The following RBPJ variants were observed in gnomAD, a reference collection of about 807,000 sequenced individuals.
RBPJ encodes recombining binding protein suppressor of hairless.
RBPJ carries 9 observed loss-of-function variants against 67.8 expected under a neutral mutation model. The ratio of observed to expected loss-of-function variants is 0.13; its 90% confidence interval spans 0.08 to 0.23. The LOEUF (loss-of-function observed/expected upper bound fraction) is 0.23, where lower values mean the gene tolerates loss of function less well. Among genes scored for constraint, RBPJ ranks in the 10% least tolerant of loss-of-function variants. The pLI, the probability that RBPJ is intolerant of heterozygous loss-of-function variation, is 1.00. For synonymous variants in RBPJ, 198 were observed against 203.3 expected, an observed-to-expected ratio of 0.97 and a Z score of 0.22; for missense variants, 305 against 595.6, an observed-to-expected ratio of 0.51 and a Z score of 5.08.
At chr4:26,243,415 A>T (rs1195934939) in intron 1 of RBPJ, among the ~76,000 whole-genome samples, 1 of 152,216 alleles carries the variant, frequency 6.6e-6, no homozygotes, top group Non-Finnish European at 1.5e-5. Flanking sequence ...AGAAAAGTAG[A>T]ATTGTGGATT....
At chr4:26,189,874 C>T (rs1397179736) in intron 1 of RBPJ, among the ~76,000 whole-genome samples, 1 of 152,134 alleles carries the variant, frequency 6.6e-6, no homozygotes, top group Non-Finnish European at 1.5e-5. Flanking sequence ...TTGTCAGGTG[C>T]TTTCCTTAAC....
intron 1 of RBPJ, among the ~76,000 whole-genome samples, chr4:26,270,441 A>AAAGAAAGAAAGAAGG (rs1560238057): frequency 2.6e-5 from 3 of 116,308 alleles, no homozygotes; most frequent in African/African-American, 1.0e-4. Flanking sequence ...AAGAAAGAAG[A>AAAGAAAGAAAGAAGG]AAGAAAGAAA....
chr4:26,361,377 T>C (rs879655689), intron 1 of RBPJ, among the ~76,000 whole-genome samples: 4 of 152,184 alleles, frequency 2.6e-5, no homozygotes, highest in Non-Finnish European at 5.9e-5. Flanking sequence ...TAATTTTTTC[T>C]GACAGTGGAT....
the RBPJ span, among the ~76,000 whole-genome samples, chr4:26,156,115 A>G: frequency 6.6e-6 from 1 of 152,348 alleles, no homozygotes; most frequent in Middle Eastern, 3.4e-3. Context: ...TCAAATGGGA[A>G]TAATAACTCA....
At chr4:26,331,075 G>T (rs1010919903) in intron 1 of RBPJ, among the ~76,000 whole-genome samples, 1 of 152,154 alleles carries the variant, frequency 6.6e-6, no homozygotes. Flanking sequence ...GCTAGTTCCT[G>T]GTTTGTTTTA....
At chr4:26,168,765 C>T (rs549861759) in intron 1 of RBPJ, among the ~76,000 whole-genome samples, 7 of 152,152 alleles carry the variant, frequency 4.6e-5, no homozygotes, top group African/African-American at 1.4e-4. Flanking sequence ...AGGCTTTGTT[C>T]GTTTCTTTTT....
intron 1 of RBPJ, among the ~76,000 whole-genome samples, chr4:26,228,744 G>A (rs980271483): frequency 1.3e-5 from 2 of 152,238 alleles, no homozygotes; most frequent in African/African-American, 4.8e-5. Flanking sequence ...TGGAAGCCAT[G>A]AGTAATGGGT....
At chr4:26,277,499 C>T (rs1018286134) in intron 1 of RBPJ, among the ~76,000 whole-genome samples, 2 of 152,210 alleles carry the variant, frequency 1.3e-5, no homozygotes, top group African/African-American at 4.8e-5. Context: ...GGGCTGGGTT[C>T]TTCAATGCAT....
intron 1 of RBPJ, among the ~76,000 whole-genome samples, chr4:26,258,732 G>A (rs1238552361): frequency 2.6e-5 from 4 of 152,056 alleles, no homozygotes; most frequent in African/African-American, 4.8e-5. Context: ...TAACCCTATC[G>A]ATGCAGTCTT....
At chr4:26,408,947 A>G (rs1041758990) in intron 3 of RBPJ, among the ~76,000 whole-genome samples, 8 of 152,216 alleles carry the variant, frequency 5.3e-5, no homozygotes, top group African/African-American at 1.9e-4. Context: ...ACCCTTTTCC[A>G]TTACCTAGGT....
the RBPJ span, among the ~76,000 whole-genome samples, chr4:26,157,615 C>A: frequency 6.6e-6 from 1 of 152,282 alleles, no homozygotes; most frequent in East Asian, 1.9e-4. Flanking sequence ...TTTCCATAAA[C>A]TTTTTCAGTC....
At chr4:26,358,404 T>G (rs1215012390) in intron 1 of RBPJ, among the ~76,000 whole-genome samples, 1 of 151,788 alleles carries the variant, frequency 6.6e-6, no homozygotes, top group Non-Finnish European at 1.5e-5. Context: ...TCCAAAACAG[T>G]GAAGGTGTAA....
chr4:26,357,368 T>A (rs982995057), intron 1 of RBPJ, among the ~76,000 whole-genome samples: 1 of 152,146 alleles, frequency 6.6e-6, no homozygotes, highest in African/African-American at 2.4e-5. Flanking sequence ...TTTGTAAGAC[T>A]TGGCTTAGGA....
intron 2 of RBPJ, among the ~76,000 whole-genome samples, chr4:26,402,484 G>T (rs1034417690): frequency 1.3e-5 from 2 of 152,084 alleles, no homozygotes; most frequent in East Asian, 3.9e-4. Context: ...ACATCATATG[G>T]CCTCTCATTT....
intron 1 of RBPJ, among the ~76,000 whole-genome samples, chr4:26,289,095 T>G (rs900798409): frequency 1.3e-5 from 2 of 150,668 alleles, no homozygotes; most frequent in African/African-American, 4.9e-5. Flanking sequence ...ATAAAATGTT[T>G]AAGAAAGAAA....
intron 1 of RBPJ, among the ~76,000 whole-genome samples, chr4:26,209,725 C>G (rs113571806): frequency 3.9e-4 from 31 of 78,598 alleles, no homozygotes; most frequent in East Asian, 8.3e-4. Context: ...CTCCTTCCCT[C>G]TCTCCCTCCC....
At chr4:26,389,798 G>A in intron 2 of RBPJ, among the ~76,000 whole-genome samples, 1 of 152,006 alleles carries the variant, frequency 6.6e-6, no homozygotes, top group East Asian at 1.9e-4. Flanking sequence ...TAAGGAAATT[G>A]AACTTGTAAA....
At chr4:26,188,921 A>G (rs936728482) in intron 1 of RBPJ, among the ~76,000 whole-genome samples, 2 of 152,262 alleles carry the variant, frequency 1.3e-5, no homozygotes, top group African/African-American at 2.4e-5. Flanking sequence ...GCTGTTTCTC[A>G]TAACTTGATT....
intron 5 of RBPJ, among the ~76,000 whole-genome samples, chr4:26,422,073 T>A (rs1251975203): frequency 6.6e-6 from 1 of 152,214 alleles, no homozygotes; most frequent in Non-Finnish European, 1.5e-5. Context: ...TTCCATATTC[T>A]GGGTTTGGCT....
Sources: allele counts gnomAD v4.1 joint callset (sites outside exome capture counted in the v4.1 genomes callset), GRCh38; gene constraint gnomAD v4.1.1; transcripts MANE v1.5; gene names NCBI Gene and HGNC (gene_info 2026-07-23, HGNC 2026-07-21).